ZMYM2: variants seen among roughly 807,000 people sequenced by gnomAD.
ZMYM2 encodes the protein zinc finger MYM-type protein 2.
A neutral mutation model predicts 162.8 loss-of-function variants in ZMYM2; 56 were observed. The ratio of observed to expected loss-of-function variants is 0.34; its 90% CI spans 0.28 to 0.43. ZMYM2 has a LOEUF of 0.43. ZMYM2 is among the 20% of genes least tolerant of loss of function. ZMYM2 has a pLI of 1.00. For missense variants in ZMYM2, 1,275 were observed against 1,621.8 expected, an observed-to-expected ratio of 0.79 and a Z score of 3.67; for synonymous variants, 510 against 541.6, an observed-to-expected ratio of 0.94 and a Z score of 0.81.
At chr13:19,965,255 C>A in intron 2 of ZMYM2, 1 of 1,300,546 alleles carries the variant, frequency 7.7e-7, no homozygotes, top group Non-Finnish European at 1.0e-6. Context: ...CCGTAGTCAC[C>A]TGGATACCAT....
rs1435476049 is a variant in ZMYM2, at chr13:20,064,528, C to A, written c.3115C>A (p.Pro1039Thr). Residue 1039 changes from proline (P) to threonine (T), a missense_variant, in exon 19 of 25, where the codon CCT (proline) becomes ACT (threonine). Transcript: ENST00000610343. ...CGAAGAATATGAGGAACAGCCCAGA[C>A]CTCGATCTAAAAAAAAGGTACATTC... ...FGEEYEEQPRPRSKKKGAKRK... is the reference protein window; with the variant it reads ...FGEEYEEQPRTRSKKKGAKRK... The A allele has an allele frequency of 6.3e-7, 1 of 1,584,972 alleles. No homozygotes were observed. The highest frequency in any genetic ancestry group is 1.2e-5 in the South Asian group (1 of 86,254).
At chr13:20,073,035 G>A (rs1046236631) in intron 21 of ZMYM2, among the ~76,000 whole-genome samples, 4 of 151,920 alleles carry the variant, frequency 2.6e-5, no homozygotes, top group African/African-American at 9.7e-5. Flanking sequence ...AGCCTCCCAA[G>A]TAGCTGGGAT....
At chr13:19,873,081 C>A in the ZMYM2 span, among the ~76,000 whole-genome samples, 1 of 152,152 alleles carries the variant, frequency 6.6e-6, no homozygotes. Context: ...GTCTCTTTAT[C>A]TTTAAATCCT....
At chr13:19,946,976 CTT>C in the ZMYM2 span, among the ~76,000 whole-genome samples, 2 of 152,002 alleles carry the variant, frequency 1.3e-5, no homozygotes, top group African/African-American at 4.8e-5. Context: ...AAGAATGTCA[CTT>C]TTCCAGGGTT....
Position 20,067,255 on chromosome 13 carries a change from A to G in ZMYM2, c.3318A>G (p.Leu1106=), listed in dbSNP as rs1171118379. The change falls in exon 21 of 25, where the codon TTA becomes TTG. Residue 1106 remains leucine (L), a synonymous_variant. Transcript: ENST00000610343. ...DELKSSKSVK[L]KEDLLSHTTA... is the part of the protein sequence containing the mutation. ...TATTTTTAGCTAAATCAGTAAAGTTAAAAGAGGATCTACTCTCTCACACCA... is the reference window on the plus strand; with the variant it reads ...TATTTTTAGCTAAATCAGTAAAGTTGAAAGAGGATCTACTCTCTCACACCA... 22 of 1,555,474 alleles carry G rather than the reference A, an allele frequency of 1.4e-5. No homozygotes were observed. The African/African-American group carries it at 1.8e-4, about 13-fold the overall frequency.
chr13:20,061,007 C>G, intron 16 of ZMYM2, 46 bp from the exon 17 acceptor site: 3 of 1,541,900 alleles, frequency 1.9e-6, no homozygotes, highest in Non-Finnish European at 2.6e-6. Context: ...GGAAAAATAC[C>G]TTTTAATGTT....
chr13:19,944,020 GA>G, the ZMYM2 span, among the ~76,000 whole-genome samples: 2 of 152,176 alleles, frequency 1.3e-5, no homozygotes, highest in Admixed American at 1.3e-4. Context: ...CGGGGCTGTA[GA>G]AAGAACTCTA....
the ZMYM2 span, among the ~76,000 whole-genome samples, chr13:19,912,292 G>GTTTTTTTTTTTTTTTTTTTTTTTTTTT: frequency 1.3e-5 from 1 of 75,714 alleles, no homozygotes; most frequent in Non-Finnish European, 2.5e-5. Flanking sequence ...TGTTTTTTGG[G>GTTTTTTTTTTTTTTTTTTTTTTTTTTT]TTTTTTTTTT....
intron 6 of ZMYM2, among the ~76,000 whole-genome samples, chr13:20,014,634 C>G (rs1951460989): frequency 6.6e-6 from 1 of 150,650 alleles, no homozygotes; most frequent in Non-Finnish European, 1.5e-5. Flanking sequence ...GTTTGTTTCT[C>G]TCACTTTTTC....
chr13:20,057,555 A>G (rs944986370), intron 14 of ZMYM2, among the ~76,000 whole-genome samples: 5 of 152,192 alleles, frequency 3.3e-5, no homozygotes, highest in Admixed American at 3.3e-4. Context: ...TTACTGTACA[A>G]TATGTGTGGA....
intron 3 of ZMYM2, among the ~76,000 whole-genome samples, chr13:19,999,415 G>C (rs1300529680): frequency 6.6e-6 from 1 of 152,100 alleles, no homozygotes; most frequent in Non-Finnish European, 1.5e-5. Context: ...TCTGTGATCA[G>C]TGATCTTTGA....
chr13:19,957,219 A>G (rs1402518307), upstream of ZMYM2, among the ~76,000 whole-genome samples: 5 of 152,170 alleles, frequency 3.3e-5, no homozygotes, highest in Admixed American at 3.3e-4. Context: ...TAGTTTACAC[A>G]TCAGTCTTTC....
intron 5 of ZMYM2, among the ~76,000 whole-genome samples, chr13:20,006,057 C>T (rs1388546980): frequency 1.3e-5 from 2 of 151,956 alleles, no homozygotes; most frequent in African/African-American, 2.4e-5. Flanking sequence ...CATAGTGGGA[C>T]CCTATCCCTA....
At chr13:19,950,978 A>C in the ZMYM2 span, among the ~76,000 whole-genome samples, 1 of 152,352 alleles carries the variant, frequency 6.6e-6, no homozygotes, top group African/African-American at 2.4e-5. Context: ...GGTCCAACAC[A>C]AATTTTGTAA....
chr13:19,871,537 A>G, the ZMYM2 span, among the ~76,000 whole-genome samples: 1 of 152,146 alleles, frequency 6.6e-6, no homozygotes, highest in African/African-American at 2.4e-5. Flanking sequence ...AGCTGGGACT[A>G]CAAGCACGTG....
chr13:19,929,307 C>G, the ZMYM2 span, among the ~76,000 whole-genome samples: 1 of 151,858 alleles, frequency 6.6e-6, no homozygotes, highest in Non-Finnish European at 1.5e-5. Context: ...GGTGCAATCT[C>G]GGCTCACTGC....
intron 21 of ZMYM2, among the ~76,000 whole-genome samples, chr13:20,073,693 A>T (rs185808683): frequency 6.6e-6 from 1 of 152,180 alleles, no homozygotes; most frequent in Non-Finnish European, 1.5e-5. Flanking sequence ...GGAAAATGCT[A>T]TCACAGGAAG....
chr13:19,910,697 A>C, the ZMYM2 span, among the ~76,000 whole-genome samples: 1 of 152,160 alleles, frequency 6.6e-6, no homozygotes, highest in Middle Eastern at 3.4e-3. Context: ...GGGGAGCCCC[A>C]ACCCTGCGAT....
chr13:20,074,207 T>A (rs996280725), intron 21 of ZMYM2, among the ~76,000 whole-genome samples: 3 of 144,336 alleles, frequency 2.1e-5, no homozygotes, highest in Admixed American at 6.7e-5. Context: ...TGTGTGTGTG[T>A]GTGTGTGTGT....
Sources: gnomAD v4.1 joint callset for allele counts (sites outside exome capture counted in the v4.1 genomes callset) on GRCh38, gnomAD v4.1.1 for gene constraint, MANE v1.5 for transcripts, NCBI Gene and HGNC (gene_info 2026-07-23, HGNC 2026-07-21) for gene names.